NKAIN3: variants seen among roughly 807,000 people sequenced by gnomAD.
The protein encoded by NKAIN3 is sodium/potassium transporting ATPase interacting 3.
Under a neutral mutation model 30.2 loss-of-function variants are expected in NKAIN3, and 25 were observed. That is an observed-to-expected ratio of 0.83 (90% CI 0.60 to 1.16). The LOEUF (loss-of-function observed/expected upper bound fraction) is 1.16. NKAIN3 is among the 50% of genes most tolerant of loss of function. NKAIN3 has a pLI of 0.00. For synonymous variants in NKAIN3, 91 were observed against 89.6 expected, an observed-to-expected ratio of 1.02 and a Z score of -0.09; for missense variants, 225 against 254.1, an observed-to-expected ratio of 0.89 and a Z score of 0.78.
At chr8:62,885,831 A>G (rs1821130345) in intron 4 of NKAIN3, among the ~76,000 whole-genome samples, 1 of 152,068 alleles carries the variant, frequency 6.6e-6, no homozygotes, top group South Asian at 2.1e-4. Flanking sequence ...GTTAACATGG[A>G]ATATTTTTTT....
At chr8:62,938,796 T>A (rs561571435) in intron 5 of NKAIN3, among the ~76,000 whole-genome samples, 1 of 152,102 alleles carries the variant, frequency 6.6e-6, no homozygotes, top group South Asian at 2.1e-4. Context: ...TCTACCCAAA[T>A]GAGAAGGAAC....
At chr8:62,329,078 C>T (rs1026862171) in intron 1 of NKAIN3, among the ~76,000 whole-genome samples, 3 of 151,776 alleles carry the variant, frequency 2.0e-5, no homozygotes, top group African/African-American at 7.3e-5. Context: ...AGCCTTCTGC[C>T]AACAGCCATG....
chr8:62,587,889 A>G (rs777354761), intron 2 of NKAIN3, among the ~76,000 whole-genome samples: 3 of 152,020 alleles, frequency 2.0e-5, no homozygotes, highest in African/African-American at 7.2e-5. Context: ...ATATACTTCA[A>G]TCACCAAGTT....
intron 3 of NKAIN3, among the ~76,000 whole-genome samples, chr8:62,654,169 C>CA (rs34220873): frequency 0.38 from 56,310 of 147,094 alleles, 11,072 homozygotes; most frequent in East Asian, 0.66. Flanking sequence ...TAAAATAATG[C>CA]AAAAAAAAAC....
intron 1 of NKAIN3, among the ~76,000 whole-genome samples, chr8:62,372,732 A>G (rs1206835748): frequency 2.0e-5 from 3 of 152,062 alleles, no homozygotes; most frequent in South Asian, 2.1e-4. Context: ...GCAAGCAATT[A>G]GAATCTCATA....
chr8:62,841,858 T>C (rs572864491), intron 4 of NKAIN3, among the ~76,000 whole-genome samples: 2 of 152,130 alleles, frequency 1.3e-5, no homozygotes, highest in African/African-American at 2.4e-5. Flanking sequence ...GGGAGTTCTA[T>C]TTTTAGTTTT....
chr8:62,480,533 A>G (rs74879453), intron 1 of NKAIN3, among the ~76,000 whole-genome samples: 1 of 11,168 alleles, frequency 9.0e-5, no homozygotes, highest in African/African-American at 2.7e-4. Context: ...TGTTTGGATT[A>G]AAAAAAAAAA....
intron 3 of NKAIN3, among the ~76,000 whole-genome samples, chr8:62,665,273 C>T (rs1469692848): frequency 6.6e-6 from 1 of 152,120 alleles, no homozygotes; most frequent in African/African-American, 2.4e-5. Context: ...GGTCAAATTT[C>T]CCTTCTATCA....
intron 4 of NKAIN3, among the ~76,000 whole-genome samples, chr8:62,835,320 T>C (rs564582403): frequency 1.3e-5 from 2 of 152,160 alleles, no homozygotes; most frequent in African/African-American, 4.8e-5. Context: ...ACTTGACAAA[T>C]GGGACCTAAT....
At position 62,918,832 on chromosome 8, in the gene NKAIN3, C is replaced by T. The variant is rs142650882; in HGVS notation, c.532+319C>T. On this transcript the variant is annotated intron_variant, in intron 5 of 6. Transcript: ENST00000623646. ...AGTAGACAGTCAGCGGTTGTTTTACCTATTACCAATTTTAGGCATGTTGGT... is the reference window on the plus strand; with the variant it reads ...AGTAGACAGTCAGCGGTTGTTTTACTTATTACCAATTTTAGGCATGTTGGT... 1.8e-3 allele frequency among the ~76,000 whole-genome samples: 273 copies of T among 152,174 alleles called. 1 individual carries two copies. The highest frequency in any genetic ancestry group is 6.0e-3 in the African/African-American group (250 of 41,534).
chr8:62,339,200 T>C (rs577106188), intron 1 of NKAIN3, among the ~76,000 whole-genome samples: 11 of 152,082 alleles, frequency 7.2e-5, no homozygotes, highest in African/African-American at 2.6e-4. Context: ...GAATGAGTGA[T>C]ACCTAGGGAG....
At chr8:62,870,015 C>CCG (rs1820549412) in intron 4 of NKAIN3, among the ~76,000 whole-genome samples, 1 of 151,394 alleles carries the variant, frequency 6.6e-6, no homozygotes, top group Non-Finnish European at 1.5e-5. Flanking sequence ...CGTGATCCAC[C>CCG]CGCGTCGGCC....
chr8:62,815,160 AC>A lies in NKAIN3; in HGVS notation c.471+68032del, dbSNP rs1204483838. ...TCCTTGACACATACACCCTCCCAAG[AC>A]TAAACCAGGAAGAAGTTGAATCTCT... On this transcript the variant is annotated intron_variant, in intron 4 of 6. Transcript: ENST00000623646. Among the ~76,000 whole-genome samples the A allele has an allele frequency of 1.1e-3, 171 of 152,232 alleles. 1 individual carries two copies. The highest frequency in any genetic ancestry group is 3.7e-3 in the African/African-American group (154 of 41,536).
Position 62,384,915 on chromosome 8 carries a change from G to C in NKAIN3, c.54+135788G>C, listed in dbSNP as rs1156931011. Among the ~76,000 whole-genome samples the C allele has an allele frequency of 2.6e-5, 4 of 152,082 alleles. No individual in the cohort carries two copies. In the East Asian group the frequency reaches 7.7e-4, roughly 29 times the overall value. On this transcript the variant is annotated intron_variant, in intron 1 of 6. Coordinates refer to ENST00000623646, the MANE Select transcript of NKAIN3 (RefSeq NM_001304533.3). The stretch of plus-strand genomic sequence containing the variant: ...GTATAAGATATCATTGTAGTTTGTT[G>C]TAAAAAATTTATTAGATATTATCAT...
chr8:62,791,071 C>A (rs368064076), intron 4 of NKAIN3, among the ~76,000 whole-genome samples: 1 of 152,096 alleles, frequency 6.6e-6, no homozygotes, highest in East Asian at 1.9e-4. Flanking sequence ...GTCTCTGAGT[C>A]CAAGTCTTAA....
At chr8:62,703,953 C>G (rs904877658) in intron 3 of NKAIN3, among the ~76,000 whole-genome samples, 4 of 152,100 alleles carry the variant, frequency 2.6e-5, no homozygotes, top group African/African-American at 9.7e-5. Flanking sequence ...TGTTCATATA[C>G]TCTAAAATTT....
At chr8:62,805,546 T>C (rs913159242) in intron 4 of NKAIN3, among the ~76,000 whole-genome samples, 5 of 152,058 alleles carry the variant, frequency 3.3e-5, no homozygotes, top group Admixed American at 3.3e-4. Flanking sequence ...AAACAAGAAA[T>C]GGGGAAAGGA....
intron 1 of NKAIN3, among the ~76,000 whole-genome samples, chr8:62,545,549 A>G (rs919022309): frequency 2.6e-5 from 4 of 152,222 alleles, no homozygotes; most frequent in African/African-American, 9.6e-5. Context: ...AGCCTGAGCA[A>G]CAGAGCAAGA....
Position 62,875,208 on chromosome 8 carries a change from G to A in NKAIN3, c.472-43245G>A, listed in dbSNP as rs147480378. Among the ~76,000 whole-genome samples, 57 of 152,186 alleles carry A rather than the reference G, an allele frequency of 3.7e-4. No individual in the cohort carries two copies. The East Asian group carries it at 9.5e-3, about 25-fold the overall frequency. On this transcript the variant is annotated intron_variant, in intron 4 of 6. Transcript: ENST00000623646. ...AGGCAAGCAGAGAGCCAAATCATGA[G>A]TGAACTCCCATTCACAATGGCTACA...
Sources: gnomAD v4.1 joint callset for allele counts (sites outside exome capture counted in the v4.1 genomes callset) on GRCh38, gnomAD v4.1.1 for gene constraint, MANE v1.5 for transcripts, NCBI Gene and HGNC (gene_info 2026-07-23, HGNC 2026-07-21) for gene names.